PLXNC1: variants seen among roughly 807,000 people sequenced by gnomAD.
PLXNC1 encodes plexin C1, also known as plexin-C1.
In PLXNC1, 75 loss-of-function variants were observed where a neutral mutation model predicts 178.2. That is an observed-to-expected ratio of 0.42 (90% confidence interval 0.35 to 0.51). PLXNC1 has a LOEUF of 0.51. Among genes scored for constraint, PLXNC1 ranks in the 20% least tolerant of loss-of-function variants. PLXNC1 has a pLI of 0.02. For synonymous variants in PLXNC1, 790 were observed against 779.9 expected, an observed-to-expected ratio of 1.01 and a Z score of -0.22; for missense variants, 1,503 against 1,984.4, an observed-to-expected ratio of 0.76 and a Z score of 4.61.
intron 2 of PLXNC1, among the ~76,000 whole-genome samples, chr12:94,175,485 A>G (rs764423547): frequency 6.6e-6 from 1 of 152,136 alleles, no homozygotes; most frequent in African/African-American, 2.4e-5. Context: ...TTACAATTGT[A>G]TGGTGTTGAA....
At position 94,260,985 on chromosome 12, in the gene PLXNC1, C is replaced by T; in HGVS notation, c.3450+145C>T. 1 of 706,744 alleles carries T rather than the reference C, an allele frequency of 1.4e-6. No homozygotes were observed. The highest frequency in any genetic ancestry group is 1.6e-5 in the South Asian group (1 of 61,972). The allele number at this position is 706,744 out of a possible 1,614,324, so 43.8% of individuals were successfully genotyped here. A position where few individuals can be genotyped will look rare whatever the true frequency, so the allele number is the denominator to read the frequency against. On this transcript the variant is annotated intron_variant, in intron 20 of 30. Transcript: ENST00000258526. The surrounding 1 kb of genome is among the most constrained non-coding windows in gnomAD (Gnocchi z 4.4). ...GTTTCGTCTTGGTCCTGACCCAGAA[C>T]AGAGAGAGGGAAAGTAAACATTGTT...
At chr12:94,228,455 T>A (rs1036299932) in intron 9 of PLXNC1, among the ~76,000 whole-genome samples, 1 of 152,252 alleles carries the variant, frequency 6.6e-6, no homozygotes, top group African/African-American at 2.4e-5. Context: ...TTATTGCTTT[T>A]AAGTGTACAG....
At chr12:94,297,558 G>A in intron 26 of PLXNC1, 135 bp downstream of exon 26, 2 of 641,566 alleles carry the variant, frequency 3.1e-6, no homozygotes, top group East Asian at 2.7e-5. Context: ...AGTTTAAATT[G>A]TAAACACTTC....
intron 4 of PLXNC1, among the ~76,000 whole-genome samples, chr12:94,201,741 C>A (rs1455093934): frequency 7.2e-6 from 1 of 139,796 alleles, no homozygotes; most frequent in Non-Finnish European, 1.5e-5. Context: ...GACTGCTCTT[C>A]CCACTACTTT....
chr12:94,180,752 A>C (rs1592738479), intron 2 of PLXNC1, among the ~76,000 whole-genome samples: 1 of 152,340 alleles, frequency 6.6e-6, no homozygotes, highest in Middle Eastern at 3.4e-3. Flanking sequence ...TATCCTGTGC[A>C]AATACATGTG....
chr12:94,274,271 G>A (rs982745631), intron 21 of PLXNC1, among the ~76,000 whole-genome samples: 7 of 151,702 alleles, frequency 4.6e-5, no homozygotes, highest in Non-Finnish European at 7.4e-5. Context: ...CTGGGAGGTC[G>A]AGGCTGCAGT....
At chr12:94,294,420 T>A (rs1443164468) in intron 23 of PLXNC1, 66 bp from the exon 24 acceptor site, 1 of 699,776 alleles carries the variant, frequency 1.4e-6, no homozygotes, top group Non-Finnish European at 2.6e-6. Context: ...GCCATCTAAT[T>A]CCTGGGTGAA....
chr12:94,240,331 T>C (rs1964354177), intron 10 of PLXNC1, among the ~76,000 whole-genome samples, 154 bp from the exon 11 acceptor site: 1 of 152,188 alleles, frequency 6.6e-6, no homozygotes, highest in African/African-American at 2.4e-5. Flanking sequence ...CCAACTTGGG[T>C]CACTGGCCCC....
chr12:94,162,589 A>ACT (rs1431295160), intron 1 of PLXNC1, among the ~76,000 whole-genome samples: 9 of 152,124 alleles, frequency 5.9e-5, no homozygotes, highest in East Asian at 5.8e-4. Flanking sequence ...ACACCAAGAG[A>ACT]CTCTTGCACT....
At chr12:94,203,076 TGA>T (rs1451892482) in intron 4 of PLXNC1, among the ~76,000 whole-genome samples, 2 of 151,842 alleles carry the variant, frequency 1.3e-5, no homozygotes, top group Non-Finnish European at 2.9e-5. Flanking sequence ...GGAACCCAGG[TGA>T]GAGGTGGGGG....
chr12:94,149,982 G>A lies in PLXNC1; in HGVS notation c.1011G>A (p.Gln337=). The A allele has an allele frequency of 6.3e-7, 1 of 1,595,744 alleles. No individual in the cohort carries two copies. Among genetic ancestry groups the A allele is most frequent in the Non-Finnish European group, 8.5e-7 (1 of 1,172,382 alleles). The change falls in exon 1 of 31, where the codon CAG becomes CAA. Residue 337 remains glutamine, a synonymous_variant. Coordinates refer to ENST00000258526, the MANE Select transcript of PLXNC1 (RefSeq NM_005761.3). ...ALCLFRMSEI[Q]ARAKRVSWDF... ...GCCTCTTCAGAATGAGTGAGATCCA[G>A]GCGCGCGCCAAGAGGGTCAGCTGGG...
chr12:94,225,157 A>G (rs961748480), intron 7 of PLXNC1, among the ~76,000 whole-genome samples: 2 of 152,136 alleles, frequency 1.3e-5, no homozygotes, highest in African/African-American at 2.4e-5. Context: ...CAGAGGAAAT[A>G]TGTTTCTCAG....
At position 94,178,457 on chromosome 12, in the gene PLXNC1, T is replaced by TA. The variant is rs1354245490; in HGVS notation, c.1204-2981dup. ...GATAATATTTCTATCAGTGTTTGTT[T>TA]AAAAAAAACAAAAACTGGCTTCCTG... On this transcript the variant is annotated intron_variant, in intron 2 of 30. Coordinates refer to ENST00000258526, the MANE Select transcript of PLXNC1 (RefSeq NM_005761.3). Among the ~76,000 whole-genome samples, 12 of 152,042 alleles carry TA rather than the reference T, an allele frequency of 7.9e-5. No homozygotes were observed. In the East Asian group the frequency reaches 9.7e-4, roughly 12 times the overall value.
chr12:94,177,225 A>G (rs369991938), intron 2 of PLXNC1, among the ~76,000 whole-genome samples: 1 of 37,432 alleles, frequency 2.7e-5, no homozygotes, highest in Non-Finnish European at 4.4e-5. Context: ...GTGTGTATAT[A>G]TATACATATA....
At chr12:94,171,599 C>A (rs1961847894) in intron 2 of PLXNC1, among the ~76,000 whole-genome samples, 1 of 152,156 alleles carries the variant, frequency 6.6e-6, no homozygotes, top group Non-Finnish European at 1.5e-5. Flanking sequence ...CCCTATGCTG[C>A]ACTGACTTTG....
chr12:94,258,521 C>T (rs1176240230), intron 17 of PLXNC1, among the ~76,000 whole-genome samples: 1 of 152,114 alleles, frequency 6.6e-6, no homozygotes, highest in East Asian at 1.9e-4. Flanking sequence ...TAAAGTATTG[C>T]TTAACATACT....
Position 94,244,034 on chromosome 12 carries a change from C to T in PLXNC1, c.2388+9C>T. 6.8e-7 allele frequency: 1 copy of T among 1,460,344 alleles called. No homozygotes were observed. Among genetic ancestry groups the T allele is most frequent in the Non-Finnish European group, 9.6e-7 (1 of 1,043,056 alleles). 90.5% of individuals were successfully genotyped at this position (1,460,344 alleles called of 1,614,324 possible). ...TAAAAGGAAACATAAATGTAAGTCTCCAGCTGCTTTGTAATAATAGTTGTT... is the reference window on the plus strand; with the variant it reads ...TAAAAGGAAACATAAATGTAAGTCTTCAGCTGCTTTGTAATAATAGTTGTT... On this transcript the variant is annotated intron_variant, in intron 12 of 30. Transcript: ENST00000258526.
intron 23 of PLXNC1, among the ~76,000 whole-genome samples, chr12:94,284,192 G>A (rs1966674286): frequency 6.6e-6 from 1 of 151,952 alleles, no homozygotes; most frequent in South Asian, 2.1e-4. Flanking sequence ...GGGAGAGTCA[G>A]AATCTTGTAG....
chr12:94,285,570 TG>T (rs1320757936), intron 23 of PLXNC1, among the ~76,000 whole-genome samples: 1 of 152,196 alleles, frequency 6.6e-6, no homozygotes, highest in Non-Finnish European at 1.5e-5. Flanking sequence ...TTTTGGAGTT[TG>T]TAAAAATCCC....
Sources: allele counts gnomAD v4.1 joint callset (sites outside exome capture counted in the v4.1 genomes callset), GRCh38; gene constraint gnomAD v4.1.1; non-coding constraint Gnocchi (gnomAD v3.1); transcripts MANE v1.5; gene names NCBI Gene and HGNC (gene_info 2026-07-23, HGNC 2026-07-21).